The following PDE4B variants were observed in gnomAD, a reference collection of about 807,000 sequenced individuals.
PDE4B encodes the protein phosphodiesterase 4B, also known as 3',5'-cyclic-AMP phosphodiesterase 4B.
Under a neutral mutation model 82.2 loss-of-function variants are expected in PDE4B, and 20 were observed. The ratio of observed to expected loss-of-function variants is 0.24; its 90% CI spans 0.17 to 0.35. The LOEUF is 0.35. Ranked by LOEUF, PDE4B falls within the 10% of genes least tolerant of loss-of-function variation. PDE4B has a pLI of 1.00. For missense variants in PDE4B, 655 were observed against 907.2 expected, an observed-to-expected ratio of 0.72 and a Z score of 3.57; for synonymous variants, 320 against 318.9, an observed-to-expected ratio of 1.00 and a Z score of -0.04.
At chr1:65,935,172 A>T (rs541621170) in intron 3 of PDE4B, among the ~76,000 whole-genome samples, 2 of 152,206 alleles carry the variant, frequency 1.3e-5, no homozygotes, top group Non-Finnish European at 2.9e-5. Flanking sequence ...TTTTTGGAGC[A>T]CAATGGAATG....
chr1:66,322,108 T>C (rs559242343), intron 7 of PDE4B, among the ~76,000 whole-genome samples: 96 of 152,296 alleles, frequency 6.3e-4, no homozygotes, highest in African/African-American at 2.2e-3. Flanking sequence ...CTGGAAAAAC[T>C]GGCTAGCCAT....
At chr1:66,106,320 T>G (rs1645354589) in intron 3 of PDE4B, among the ~76,000 whole-genome samples, 1 of 151,880 alleles carries the variant, frequency 6.6e-6, no homozygotes. Context: ...CTTTTTGATG[T>G]GCTGCTGGAT....
At chr1:66,101,101 G>A (rs552909025) in intron 3 of PDE4B, among the ~76,000 whole-genome samples, 19 of 152,118 alleles carry the variant, frequency 1.2e-4, no homozygotes, top group African/African-American at 2.2e-4. Context: ...TTGTCCCTGC[G>A]ATAGTTTGCT....
rs954036643 is a variant in PDE4B, at chr1:66,228,407, G to A, written c.282-19053G>A. Among the ~76,000 whole-genome samples the A allele has an allele frequency of 2.0e-4, 30 of 152,206 alleles. 1 individual carries two copies. Among genetic ancestry groups the A allele is most frequent in the Admixed American group, 1.4e-3 (22 of 15,284 alleles). ...TGGGAGGCCAAGGCGGGCGGATCACGAGGTCAGGAGATCAAGACCATCCTG... is the reference window on the plus strand; with the variant it reads ...TGGGAGGCCAAGGCGGGCGGATCACAAGGTCAGGAGATCAAGACCATCCTG... On this transcript the variant is annotated intron_variant, in intron 3 of 16. Transcript: ENST00000341517.
Position 66,061,015 on chromosome 1 carries a change from G to A in PDE4B, c.281+142180G>A, listed in dbSNP as rs550839742. Among the ~76,000 whole-genome samples the A allele has an allele frequency of 1.4e-4, 21 of 151,594 alleles. No homozygotes were observed. The South Asian group carries it at 4.2e-3, about 30-fold the overall frequency. On this transcript the variant is annotated intron_variant, in intron 3 of 16. Transcript: ENST00000341517. ...TGAATAAAATTGAGAAAGAAGAGTG[G>A]GCAGCATATTTATTCTGTCAGCTAT...
At chr1:66,122,013 T>C (rs1645718774) in intron 3 of PDE4B, among the ~76,000 whole-genome samples, 2 of 152,136 alleles carry the variant, frequency 1.3e-5, no homozygotes, top group South Asian at 4.2e-4. Flanking sequence ...CCTCCTTCTG[T>C]CCTTCCTTTC....
rs116723376 is a variant in PDE4B, at chr1:66,051,044, T to A, written c.281+132209T>A. On this transcript the variant is annotated intron_variant, in intron 3 of 16. Transcript: ENST00000341517. ...CACCACTTGTGTGGGTACAAAGAAATGATGACTTTTCTGTTTTTAAAAGTT... is the reference window on the plus strand; with the variant it reads ...CACCACTTGTGTGGGTACAAAGAAAAGATGACTTTTCTGTTTTTAAAAGTT... Among the ~76,000 whole-genome samples, 255 of 152,190 alleles carry A rather than the reference T, an allele frequency of 1.7e-3. 1 individual carries two copies. Among genetic ancestry groups the A allele is most frequent in the African/African-American group, 5.8e-3 (242 of 41,540 alleles).
At chr1:66,298,324 G>T (rs1239495704) in intron 7 of PDE4B, among the ~76,000 whole-genome samples, 1 of 152,090 alleles carries the variant, frequency 6.6e-6, no homozygotes, top group Non-Finnish European at 1.5e-5. Flanking sequence ...AAGGAAGCTT[G>T]CCTGACTACC....
At chr1:66,229,884 C>T (rs929433410) in intron 3 of PDE4B, among the ~76,000 whole-genome samples, 1 of 152,204 alleles carries the variant, frequency 6.6e-6, no homozygotes, top group Non-Finnish European at 1.5e-5. Flanking sequence ...GAGGTTAAAT[C>T]CAAGGCCCTT....
chr1:66,309,784 C>G (rs1202686336), intron 7 of PDE4B, among the ~76,000 whole-genome samples: 1 of 152,042 alleles, frequency 6.6e-6, no homozygotes, highest in Non-Finnish European at 1.5e-5. Flanking sequence ...AGAAATGCAC[C>G]CCTCATGGCA....
At chr1:66,137,390 A>T (rs1322782441) in intron 3 of PDE4B, among the ~76,000 whole-genome samples, 1 of 152,210 alleles carries the variant, frequency 6.6e-6, no homozygotes, top group Non-Finnish European at 1.5e-5. Context: ...TTGTTTGTTC[A>T]TAGTGGCAGA....
chr1:65,996,082 GA>G (rs1651526831), intron 3 of PDE4B, among the ~76,000 whole-genome samples: 1 of 152,076 alleles, frequency 6.6e-6, no homozygotes, highest in African/African-American at 2.4e-5. Context: ...GGGAAATGTG[GA>G]TATTCAATGT....
chr1:66,293,928 G>C (rs1029167990), intron 7 of PDE4B, among the ~76,000 whole-genome samples: 1 of 152,194 alleles, frequency 6.6e-6, no homozygotes, highest in African/African-American at 2.4e-5. Context: ...CTCTGTGGCC[G>C]GACATGGTGG....
intron 3 of PDE4B, among the ~76,000 whole-genome samples, chr1:66,205,095 C>A (rs1296871504): frequency 6.6e-6 from 1 of 152,154 alleles, no homozygotes; most frequent in South Asian, 2.1e-4. Flanking sequence ...CTCATCTATG[C>A]AGAGAAAAAC....
intron 3 of PDE4B, among the ~76,000 whole-genome samples, chr1:65,930,445 C>T (rs1647768218): frequency 6.6e-6 from 1 of 152,206 alleles, no homozygotes; most frequent in African/African-American, 2.4e-5. Context: ...CCTGGAAAAG[C>T]TACAGGCATT....
chr1:66,341,176 C>T (rs1054115674), intron 8 of PDE4B, among the ~76,000 whole-genome samples: 1 of 152,168 alleles, frequency 6.6e-6, no homozygotes, highest in South Asian at 2.1e-4. Flanking sequence ...CTAATGTACT[C>T]CAAATAACTT....
chr1:66,023,675 A>G (rs1377221707), intron 3 of PDE4B, among the ~76,000 whole-genome samples: 1 of 152,160 alleles, frequency 6.6e-6, no homozygotes, highest in Non-Finnish European at 1.5e-5. Flanking sequence ...TTTTATTTTT[A>G]ATTAGCCTAT....
intron 3 of PDE4B, among the ~76,000 whole-genome samples, chr1:66,187,491 A>G (rs868112604): frequency 6.8e-6 from 1 of 146,426 alleles, no homozygotes; most frequent in Non-Finnish European, 1.5e-5. Flanking sequence ...TAAGCTATTG[A>G]TTATTGCCAC....
intron 3 of PDE4B, among the ~76,000 whole-genome samples, chr1:66,043,112 A>T (rs866923857): frequency 6.6e-6 from 1 of 151,738 alleles, no homozygotes; most frequent in Non-Finnish European, 1.5e-5. Context: ...CCATGTGCCT[A>T]CTGTGTGTTA....
Sources: gnomAD v4.1 joint callset for allele counts (sites outside exome capture counted in the v4.1 genomes callset) on GRCh38, gnomAD v4.1.1 for gene constraint, MANE v1.5 for transcripts, NCBI Gene and HGNC (gene_info 2026-07-23, HGNC 2026-07-21) for gene names.